The following SLC41A3 variants were observed in gnomAD, a reference collection of about 807,000 sequenced individuals.
SLC41A3 encodes SLC41A1-like 2.
In SLC41A3, 44 loss-of-function variants were observed where a neutral mutation model predicts 45.4. The ratio of observed to expected loss-of-function variants is 0.97; its 90% CI spans 0.76 to 1.25. SLC41A3 has a LOEUF of 1.25. Among genes scored for constraint, SLC41A3 ranks in the 50% most tolerant of loss-of-function variants. The probability of loss-of-function intolerance (pLI) is 0.00; values close to 1 mark genes in which losing one functional copy is unlikely to be tolerated. For synonymous variants in SLC41A3, 256 were observed against 252.4 expected (o/e 1.01, Z -0.13); for missense variants, 550 against 600.6 (o/e 0.92, Z 0.88).
At chr3:126,079,761 A>AC (rs1427472793) in intron 1 of SLC41A3, among the ~76,000 whole-genome samples, 1 of 152,240 alleles carries the variant, frequency 6.6e-6, no homozygotes, top group Non-Finnish European at 1.5e-5. Flanking sequence ...ACTACAATAG[A>AC]CCCCAAATAG....
At position 126,051,146 on chromosome 3, in the gene SLC41A3, C is replaced by T. The variant is rs1943307157; in HGVS notation, c.274-96G>A. 3.8e-5 allele frequency: 51 copies of T among 1,339,574 alleles called. 1 individual carries two copies. In the South Asian group the frequency reaches 6.3e-4, roughly 17 times the overall value. The allele number at this position is 1,339,574 out of a possible 1,614,324, so 83.0% of individuals were successfully genotyped here. ...ACCTTCAGCAAGTCACTTTTCACTC[C>T]CTATAAAATGAACAAATAGGACTAA... On this transcript the variant is annotated intron_variant, in intron 2 of 10. Transcript: ENST00000360370.
intron 3 of SLC41A3, among the ~76,000 whole-genome samples, chr3:126,039,403 C>G (rs1317587230): frequency 6.6e-6 from 1 of 152,172 alleles, no homozygotes; most frequent in Non-Finnish European, 1.5e-5. Context: ...TATGGGATGT[C>G]TCTCAATTTG....
chr3:126,075,301 T>C (rs1944827684), intron 1 of SLC41A3, among the ~76,000 whole-genome samples: 1 of 152,178 alleles, frequency 6.6e-6, no homozygotes, highest in South Asian at 2.1e-4. Flanking sequence ...AATAAAACAA[T>C]TGCATTTGCA....
intron 2 of SLC41A3, chr3:126,067,722 A>G: frequency 1.7e-6 from 1 of 601,480 alleles, no homozygotes; most frequent in South Asian, 2.2e-5. Context: ...TTTGGTCTAC[A>G]TCAATCATAT....
intron 9 of SLC41A3, among the ~76,000 whole-genome samples, chr3:126,009,314 G>A (rs1272092044): frequency 6.6e-6 from 1 of 152,164 alleles, no homozygotes; most frequent in Non-Finnish European, 1.5e-5. Flanking sequence ...AGAGCTTTGG[G>A]TATGGTGCTT....
At chr3:126,090,865 C>G (rs372807695) in intron 1 of SLC41A3, among the ~76,000 whole-genome samples, 1 of 152,286 alleles carries the variant, frequency 6.6e-6, no homozygotes, top group African/African-American at 2.4e-5. Context: ...TCAAACCCTC[C>G]AAGTCAATAA....
intron 1 of SLC41A3, among the ~76,000 whole-genome samples, chr3:126,097,577 T>C (rs902196088): frequency 3.9e-5 from 6 of 152,206 alleles, no homozygotes; most frequent in South Asian, 4.1e-4. Context: ...TCATGAAATA[T>C]TTAGATATAT....
At chr3:126,064,771 A>G (rs1207856554) in intron 2 of SLC41A3, among the ~76,000 whole-genome samples, 2 of 152,156 alleles carry the variant, frequency 1.3e-5, no homozygotes, top group Non-Finnish European at 2.9e-5. Flanking sequence ...CATGCACACA[A>G]TGCTCATCCC....
chr3:126,015,367 A>G, intron 8 of SLC41A3, 127 bp downstream of exon 8: 1 of 888,056 alleles, frequency 1.1e-6, no homozygotes, highest in Admixed American at 2.1e-5. Flanking sequence ...CAGTCTGTCC[A>G]CGGCTCAGCT....
rs150520192 is a variant in SLC41A3, at chr3:126,059,314, G to GAAAGAAAGAAAGAAAGAAAGAAAGA, written c.274-8265_274-8264insTCTTTCTTTCTTTCTTTCTTTCTTT. 4.1e-3 allele frequency among the ~76,000 whole-genome samples: 417 copies of GAAAGAAAGAAAGAAAGAAAGAAAGA among 102,630 alleles called. 17 individuals carry two copies. The highest frequency in any genetic ancestry group is 0.012 in the African/African-American group (322 of 25,794). 67.3% of individuals were successfully genotyped at this position (102,630 alleles called of 152,430 possible). A position where few individuals can be genotyped will look rare whatever the true frequency, so the allele number is the denominator to read the frequency against. ...AGAAAGAAAGAAAGAAAGAAAGGAAGGATGATCTGTGATAAGTGCTCTGAA... is the reference window on the plus strand; with the variant it reads ...AGAAAGAAAGAAAGAAAGAAAGGAAGAAAGAAAGAAAGAAAGAAAGAAAGAGATGATCTGTGATAAGTGCTCTGAA... On this transcript the variant is annotated intron_variant, in intron 2 of 10. Transcript: ENST00000360370.
In SLC41A3 at chr3:126,016,863, A is replaced by G; in HGVS notation, c.758T>C (p.Leu253Pro). The G allele has an allele frequency of 6.2e-7, 1 of 1,612,550 alleles. No homozygotes were observed. Among genetic ancestry groups the G allele is most frequent in the Non-Finnish European group, 8.5e-7 (1 of 1,179,880 alleles). Reference protein sequence around the residue: ...FFYRHKDSRYLTPLVCLSFAA... With the variant: ...FFYRHKDSRYPTPLVCLSFAA... ...AAAGCTGAGGCAGACCAGCGGCGTC[A>G]GATACCGACTATCTGAAAGGAGAAC... The change falls in exon 7 of 11, where the codon CTG becomes CCG. Residue 253 changes from leucine (L) to proline (P), a missense_variant. Physicochemically the swap from Leu to Pro is moderately conservative, Grantham distance 98 (BLOSUM62 -3). Transcript: ENST00000360370.
intron 3 of SLC41A3, among the ~76,000 whole-genome samples, chr3:126,039,510 G>A (rs890719167): frequency 6.6e-6 from 1 of 152,202 alleles, no homozygotes; most frequent in African/African-American, 2.4e-5. Context: ...CCCTGTCATG[G>A]GTGATAGCAG....
At chr3:126,044,328 G>A (rs1334318076) in intron 3 of SLC41A3, among the ~76,000 whole-genome samples, 2 of 152,170 alleles carry the variant, frequency 1.3e-5, no homozygotes, top group Non-Finnish European at 2.9e-5. Context: ...TGACAGAACT[G>A]AAGAAAGAAA....
At chr3:126,074,269 A>AT (rs1366510593) in intron 1 of SLC41A3, among the ~76,000 whole-genome samples, 1 of 151,850 alleles carries the variant, frequency 6.6e-6, no homozygotes, top group African/African-American at 2.4e-5. Context: ...TTTGATAATG[A>AT]TAAGAGGAAT....
intron 1 of SLC41A3, among the ~76,000 whole-genome samples, chr3:126,079,188 T>C (rs1945024133): frequency 6.8e-6 from 1 of 148,044 alleles, no homozygotes; most frequent in South Asian, 2.2e-4. Context: ...AAATCAGGGA[T>C]TTAAACTCCT....
At chr3:126,050,184 G>A (rs1203444744) in intron 3 of SLC41A3, among the ~76,000 whole-genome samples, 1 of 152,050 alleles carries the variant, frequency 6.6e-6, no homozygotes, top group Non-Finnish European at 1.5e-5. Context: ...AGCCACTTGC[G>A]CCTCACCTAT....
At chr3:126,065,445 G>A (rs953300600) in intron 2 of SLC41A3, among the ~76,000 whole-genome samples, 1 of 152,228 alleles carries the variant, frequency 6.6e-6, no homozygotes, top group Admixed American at 6.5e-5. Flanking sequence ...TGTTTGCACT[G>A]AACTGAACAC....
chr3:126,059,296 A>AAGAAAGAAAAGAAAG (rs1943912790), intron 2 of SLC41A3, among the ~76,000 whole-genome samples: 3 of 99,644 alleles, frequency 3.0e-5, no homozygotes, highest in Non-Finnish European at 6.9e-5. Context: ...GAAAGAAAGA[A>AAGAAAGAAAAGAAAG]AGAAAGAAAG....
At position 126,022,891 on chromosome 3, in the gene SLC41A3, C is replaced by T. The variant is rs201433634; in HGVS notation, c.640G>A (p.Gly214Arg). ...VCIVIGARKL[G>R]VNPDNIATPI... Reference sequence around the variant, plus strand: ...GTGGCAATGTTGTCTGGGTTGACCCCGAGCTTTCGAGCACCAATCACTATA... The same window carrying T: ...GTGGCAATGTTGTCTGGGTTGACCCTGAGCTTTCGAGCACCAATCACTATA... The change falls in exon 6 of 11, where the codon GGG becomes AGG. Residue 214 changes from glycine (G) to arginine (R), a missense_variant. Gly to Arg is a moderately radical substitution (Grantham distance 125). Coordinates refer to ENST00000360370, the MANE Select transcript of SLC41A3 (RefSeq NM_017836.4). 3.5e-5 allele frequency: 56 copies of T among 1,614,052 alleles called. No individual in the cohort carries two copies. The highest frequency in any genetic ancestry group is 3.4e-4 in the South Asian group (31 of 91,086).
Sources: gnomAD v4.1 joint callset for allele counts (sites outside exome capture counted in the v4.1 genomes callset) on GRCh38, gnomAD v4.1.1 for gene constraint, MANE v1.5 for transcripts, NCBI Gene and HGNC (gene_info 2026-07-23, HGNC 2026-07-21) for gene names.